Variants in ZNF608 observed in about 807,000 individuals in gnomAD.
The protein encoded by ZNF608 is zinc finger protein 608.
ZNF608 carries 12 observed loss-of-function variants against 109.0 expected under a neutral mutation model. That is an observed-to-expected ratio of 0.11 (90% CI 0.07 to 0.18). ZNF608 has a LOEUF of 0.18. Ranked by LOEUF, ZNF608 falls within the 10% of genes least tolerant of loss-of-function variation. The probability of loss-of-function intolerance (pLI) is 1.00; values close to 1 mark genes in which losing one functional copy is unlikely to be tolerated. For synonymous variants in ZNF608, 732 were observed against 717.4 expected, an observed-to-expected ratio of 1.02 and a Z score of -0.33; for missense variants, 1,707 against 1,879.3, an observed-to-expected ratio of 0.91 and a Z score of 1.70.
At chr5:124,639,419 T>A (rs896014016) in intron 8 of ZNF608, among the ~76,000 whole-genome samples, 4 of 152,240 alleles carry the variant, frequency 2.6e-5, no homozygotes, top group African/African-American at 9.6e-5. Context: ...GCAGTTTTCT[T>A]AATAGCTATT....
chr5:124,706,809 C>CG (rs1753276553), intron 2 of ZNF608, among the ~76,000 whole-genome samples: 1 of 152,170 alleles, frequency 6.6e-6, no homozygotes, highest in African/African-American at 2.4e-5. Flanking sequence ...CAAGAACAGA[C>CG]GCGCGGCAGT....
intron 2 of ZNF608, among the ~76,000 whole-genome samples, chr5:124,708,286 T>C (rs1160338016): frequency 6.6e-6 from 1 of 152,206 alleles, no homozygotes; most frequent in Non-Finnish European, 1.5e-5. Flanking sequence ...TACAAAATTG[T>C]TAAGGGAAGT....
chr5:124,671,179 G>A (rs1751699786), intron 3 of ZNF608, among the ~76,000 whole-genome samples: 1 of 152,160 alleles, frequency 6.6e-6, no homozygotes, highest in Non-Finnish European at 1.5e-5. Flanking sequence ...AGAGTCAGCA[G>A]GCTAAAATCA....
chr5:124,723,065 G>A (rs1294496427), intron 2 of ZNF608, among the ~76,000 whole-genome samples: 1 of 148,158 alleles, frequency 6.7e-6, no homozygotes, highest in East Asian at 2.0e-4. Flanking sequence ...AGGTCTTTCT[G>A]TGTTTCCCAG....
At chr5:124,677,858 C>T (rs999268343) in intron 3 of ZNF608, among the ~76,000 whole-genome samples, 6 of 152,118 alleles carry the variant, frequency 3.9e-5, no homozygotes, top group African/African-American at 1.4e-4. Flanking sequence ...ACCACCCTTG[C>T]CCAGCACTGC....
At chr5:124,646,610 A>C in intron 5 of ZNF608, 69 bp downstream of exon 5, 1 of 1,515,210 alleles carries the variant, frequency 6.6e-7, no homozygotes, top group Non-Finnish European at 8.8e-7. Flanking sequence ...AACCAGATCA[A>C]GCCCAGACAT....
intron 9 of ZNF608, 61 bp from the exon 10 acceptor site, chr5:124,637,967 T>C: frequency 1.2e-6 from 2 of 1,600,816 alleles, no homozygotes; most frequent in Non-Finnish European, 1.7e-6. Flanking sequence ...GTTTGTTTTT[T>C]GAGTCGGAGT....
chr5:124,714,303 A>T (rs1753610738), intron 2 of ZNF608, among the ~76,000 whole-genome samples: 1 of 152,190 alleles, frequency 6.6e-6, no homozygotes, highest in African/African-American at 2.4e-5. Context: ...CAAGTTCTCA[A>T]ACACATTCTG....
At position 124,639,153 on chromosome 5, in the gene ZNF608, T is replaced by C. The variant is rs774603204; in HGVS notation, c.4512A>G (p.Gly1504=). ...TTTACCTTCTTTGTCCAGGAAACAT[T>C]CCAGATGCAGATGCCTGGGCAGCCA... ...QQVAAQASAS[G]MFPGQRRE The change falls in exon 9 of 10, where the codon GGA becomes GGG. Residue 1504 remains glycine, a synonymous_variant. Coordinates refer to ENST00000513986, the MANE Select transcript of ZNF608 (RefSeq NM_020747.3). The C allele has an allele frequency of 5.0e-6, 8 of 1,614,216 alleles. No homozygotes were observed. Among genetic ancestry groups the C allele is most frequent in the Non-Finnish European group, 6.8e-6 (8 of 1,180,022 alleles).
At chr5:124,737,352 G>T (rs749887559) in intron 2 of ZNF608, among the ~76,000 whole-genome samples, 1 of 152,182 alleles carries the variant, frequency 6.6e-6, no homozygotes, top group Non-Finnish European at 1.5e-5. Flanking sequence ...CAGTAGTTGG[G>T]TTGGAATAGT....
intron 2 of ZNF608, among the ~76,000 whole-genome samples, chr5:124,734,399 T>G (rs948157382): frequency 1.3e-5 from 2 of 152,120 alleles, no homozygotes; most frequent in Non-Finnish European, 2.9e-5. Flanking sequence ...GATCAACATC[T>G]TTGTTAAAAA....
At chr5:124,639,961 T>A (rs1750163411) in intron 8 of ZNF608, among the ~76,000 whole-genome samples, 1 of 152,236 alleles carries the variant, frequency 6.6e-6, no homozygotes, top group East Asian at 1.9e-4. Context: ...TCTTCTCATA[T>A]ATACTTTATT....
chr5:124,718,830 G>A (rs1013590348), intron 2 of ZNF608, among the ~76,000 whole-genome samples: 1 of 152,178 alleles, frequency 6.6e-6, no homozygotes, highest in Non-Finnish European at 1.5e-5. Flanking sequence ...ATAAAGACAG[G>A]CAAGCCTTCT....
At chr5:124,675,322 T>C (rs780038950) in intron 3 of ZNF608, among the ~76,000 whole-genome samples, 1 of 152,224 alleles carries the variant, frequency 6.6e-6, no homozygotes, top group Non-Finnish European at 1.5e-5. Context: ...TTACTCAAGC[T>C]GACTTGGAGA....
intron 3 of ZNF608, among the ~76,000 whole-genome samples, chr5:124,681,210 TG>T (rs1752183116): frequency 6.6e-6 from 1 of 152,134 alleles, no homozygotes; most frequent in African/African-American, 2.4e-5. Flanking sequence ...CCCAACACTT[TG>T]GGAGGCCAAG....
intron 3 of ZNF608, among the ~76,000 whole-genome samples, chr5:124,671,110 G>A (rs1751697247): frequency 6.6e-6 from 1 of 152,134 alleles, no homozygotes; most frequent in African/African-American, 2.4e-5. Flanking sequence ...CTCCGTGAAT[G>A]GAAAGCAAAA....
At chr5:124,719,751 C>G (rs1037955888) in intron 2 of ZNF608, among the ~76,000 whole-genome samples, 2 of 152,122 alleles carry the variant, frequency 1.3e-5, no homozygotes, top group Admixed American at 6.5e-5. Flanking sequence ...AAGGTTTCTG[C>G]GTTTGTGTAC....
intron 7 of ZNF608, among the ~76,000 whole-genome samples, chr5:124,643,111 G>T (rs908930134): frequency 2.6e-5 from 4 of 152,110 alleles, no homozygotes; most frequent in African/African-American, 9.7e-5. Flanking sequence ...TGCCCAAAAA[G>T]TCAACAGTTT....
chr5:124,682,164 C>G (rs1019982435), intron 3 of ZNF608, among the ~76,000 whole-genome samples: 1 of 152,174 alleles, frequency 6.6e-6, no homozygotes, highest in Non-Finnish European at 1.5e-5. Context: ...CCTCCGCCTC[C>G]CAGGTTCAAG....
Sources: allele counts gnomAD v4.1 joint callset (sites outside exome capture counted in the v4.1 genomes callset), GRCh38; gene constraint gnomAD v4.1.1; transcripts MANE v1.5; gene names NCBI Gene and HGNC (gene_info 2026-07-23, HGNC 2026-07-21).